Variants in DNAJC13 observed in about 807,000 individuals in gnomAD.
The protein encoded by DNAJC13 is DnaJ heat shock protein family (Hsp40) member C13.
In DNAJC13, 75 loss-of-function variants were observed where a neutral mutation model predicts 290.5. The observed-to-expected ratio is 0.26, with a 90% CI of 0.21 to 0.31. The LOEUF is 0.31. Ranked by LOEUF, DNAJC13 falls within the 10% of genes least tolerant of loss-of-function variation. The pLI is 1.00. For synonymous variants in DNAJC13, 862 were observed against 892.0 expected, an observed-to-expected ratio of 0.97 and a Z score of 0.60; for missense variants, 2,260 against 2,674.5, an observed-to-expected ratio of 0.85 and a Z score of 3.42.
At chr3:132,513,538 A>G (rs992065113) in intron 45 of DNAJC13, among the ~76,000 whole-genome samples, 4 of 152,150 alleles carry the variant, frequency 2.6e-5, no homozygotes, top group African/African-American at 9.6e-5. Context: ...CCCGCAGTTG[A>G]AACTCCCTTC....
At chr3:132,507,793 A>G (rs1288052780) in intron 43 of DNAJC13, among the ~76,000 whole-genome samples, 29 of 152,142 alleles carry the variant, frequency 1.9e-4, no homozygotes, top group Admixed American at 1.9e-3. Flanking sequence ...AGTCAACAAT[A>G]TTGGAATTAG....
intron 39 of DNAJC13, among the ~76,000 whole-genome samples, chr3:132,501,134 A>T (rs1935394490): frequency 6.6e-6 from 1 of 152,174 alleles, no homozygotes; most frequent in African/African-American, 2.4e-5. Flanking sequence ...ATCTAAAGGG[A>T]AGTGGGTTCC....
At chr3:132,460,107 T>C in intron 13 of DNAJC13, 143 bp from the exon 14 acceptor site, 1 of 462,598 alleles carries the variant, frequency 2.2e-6, no homozygotes, top group South Asian at 5.3e-5. Context: ...TTATCACGAG[T>C]TTCCTTTTTG....
Position 132,526,216 on chromosome 3 carries a change from G to A in DNAJC13, c.6316G>A (p.Val2106Ile). 6.2e-7 allele frequency: 1 copy of A among 1,614,084 alleles called. No homozygotes were observed. Among genetic ancestry groups the A allele is most frequent in the Non-Finnish European group, 8.5e-7 (1 of 1,179,980 alleles). Residue 2106 changes from valine (V) to isoleucine (I), a missense_variant, in exon 53 of 56, where the codon GTT (valine) becomes ATT (isoleucine). Around this residue, in one of 3 missense-constraint regions of DNAJC13, gnomAD observed 1,494 missense variants for 1,693.7 expected, o/e 0.88. Transcript: ENST00000260818. ...TGGAATGAAAAAGCGAGCAGATACT[G>A]TTGGTCTAGCCTGTGAAGCAATTAA... ...MNGMKKRADT[V>I]GLACEAINRM...
At chr3:132,513,294 A>G (rs576500585) in intron 45 of DNAJC13, among the ~76,000 whole-genome samples, 195 bp downstream of exon 45, 8 of 152,278 alleles carry the variant, frequency 5.3e-5, no homozygotes, top group African/African-American at 1.7e-4. Context: ...CAATTGCACA[A>G]TGTCGTTCTA....
chr3:132,470,383 C>G (rs1185573821), intron 20 of DNAJC13, among the ~76,000 whole-genome samples: 1 of 84,836 alleles, frequency 1.2e-5, no homozygotes, highest in Non-Finnish European at 2.3e-5. Context: ...CCCATGTCTA[C>G]TTCTTTCTAC....
chr3:132,507,305 G>T lies in DNAJC13; in HGVS notation c.5067G>T (p.Gly1689=), dbSNP rs745825461. 1.2e-6 allele frequency: 2 copies of T among 1,613,286 alleles called. No individual in the cohort carries two copies. The highest frequency in any genetic ancestry group is 2.7e-5 in the African/African-American group (2 of 75,006). The part of the protein sequence containing the change: ...YSDHAKELIV[G]EIFVRVYNEV... Reference sequence around the variant, plus strand: ...ATCATGCCAAAGAACTTATTGTAGGGGAGATTTTTGTTAGGGTGTATAATG... The same window carrying T: ...ATCATGCCAAAGAACTTATTGTAGGTGAGATTTTTGTTAGGGTGTATAATG... The change falls in exon 43 of 56, where the codon GGG becomes GGT. Residue 1689 remains glycine (G), a synonymous_variant. Coordinates refer to ENST00000260818, the MANE Select transcript of DNAJC13 (RefSeq NM_015268.4).
intron 2 of DNAJC13, among the ~76,000 whole-genome samples, chr3:132,442,587 G>A (rs1260091724): frequency 6.6e-6 from 1 of 152,004 alleles, no homozygotes; most frequent in Non-Finnish European, 1.5e-5. Context: ...TTGCAGGGGA[G>A]TAAAATGCCC....
chr3:132,531,358 T>C (rs1936408937), intron 55 of DNAJC13, among the ~76,000 whole-genome samples: 1 of 152,218 alleles, frequency 6.6e-6, no homozygotes, highest in African/African-American at 2.4e-5. Context: ...TAGAATATAT[T>C]TGGAGCATGT....
intron 26 of DNAJC13, among the ~76,000 whole-genome samples, chr3:132,481,306 G>C (rs1934665582): frequency 1.3e-5 from 2 of 152,190 alleles, no homozygotes; most frequent in Admixed American, 6.5e-5. Flanking sequence ...AAAAAGAACA[G>C]GCCAGGCACA....
At chr3:132,463,598 ATG>A in intron 16 of DNAJC13, 96 bp from the exon 17 acceptor site, 3 of 1,384,170 alleles carry the variant, frequency 2.2e-6, no homozygotes, top group Non-Finnish European at 2.9e-6. Context: ...TACATACTGA[ATG>A]TTTTTTTCAT....
rs576046490 is a variant in DNAJC13, at chr3:132,457,276, G to C, written c.1357G>C (p.Glu453Gln). 2 of 1,597,738 alleles carry C rather than the reference G, an allele frequency of 1.3e-6. No homozygotes were observed. Among genetic ancestry groups the C allele is most frequent in the Non-Finnish European group, 1.7e-6 (2 of 1,175,036 alleles). The change falls in exon 13 of 56, where the codon GAG becomes CAG. Residue 453 changes from glutamate to glutamine, a missense_variant. Glu to Gln is a conservative substitution (Grantham distance 29). Coordinates refer to ENST00000260818, the MANE Select transcript of DNAJC13 (RefSeq NM_015268.4). ...LAFTQLPKFRERLGVKVVKAL... is the reference protein window; with the variant it reads ...LAFTQLPKFRQRLGVKVVKAL... ...TGTTTTTTGTTCCAAAAGGTTTCGC[G>C]AGCGTCTAGGGGTGAAGGTAGTAAA...
intron 22 of DNAJC13, among the ~76,000 whole-genome samples, chr3:132,477,287 C>T (rs1934504668): frequency 6.6e-6 from 1 of 152,168 alleles, no homozygotes; most frequent in Non-Finnish European, 1.5e-5. Flanking sequence ...GGTGGTGCCC[C>T]AACTCCTGAT....
intron 3 of DNAJC13, among the ~76,000 whole-genome samples, 195 bp downstream of exon 3, chr3:132,446,745 T>C (rs1162174379): frequency 3.3e-4 from 3 of 9,162 alleles, no homozygotes; most frequent in Non-Finnish European, 5.7e-4. Flanking sequence ...GGGGAGAATA[T>C]GCTTATTTCT....
chr3:132,513,024 C>T lies in DNAJC13; in HGVS notation c.5310C>T (p.Cys1770=), dbSNP rs759525145. 6 of 1,612,878 alleles carry T rather than the reference C, an allele frequency of 3.7e-6. No homozygotes were observed. Among genetic ancestry groups the T allele is most frequent in the Non-Finnish European group, 5.1e-6 (6 of 1,179,066 alleles). Residue 1770 remains cysteine, a synonymous_variant, in exon 45 of 56, where the codon TGC becomes TGT. Coordinates refer to ENST00000260818, the MANE Select transcript of DNAJC13 (RefSeq NM_015268.4). The stretch of plus-strand genomic sequence containing the variant: ...ATTCTCTAGGTTCTGAGAGTGAATG[C>T]ATTGGGCACTTTAAGTTGATATTTT... The part of the protein sequence containing the change: ...IKYNPGSESE[C]IGHFKLIFSL...
chr3:132,451,129 T>C (rs758451363), intron 6 of DNAJC13, among the ~76,000 whole-genome samples: 1 of 152,240 alleles, frequency 6.6e-6, no homozygotes, highest in Non-Finnish European at 1.5e-5. Context: ...TTTTCATTGG[T>C]ATTACTGTCT....
chr3:132,436,725 G>A (rs1291324673), intron 2 of DNAJC13, among the ~76,000 whole-genome samples: 1 of 152,030 alleles, frequency 6.6e-6, no homozygotes, highest in East Asian at 1.9e-4. Flanking sequence ...GTGTAGGTAC[G>A]AAGTAGCTTC....
intron 13 of DNAJC13, among the ~76,000 whole-genome samples, chr3:132,458,558 G>A (rs1366412220): frequency 2.0e-5 from 3 of 152,130 alleles, no homozygotes; most frequent in Non-Finnish European, 4.4e-5. Context: ...AAAGACTGTT[G>A]CAACAAAAGA....
intron 2 of DNAJC13, among the ~76,000 whole-genome samples, chr3:132,435,203 T>G (rs375658299): frequency 6.6e-6 from 1 of 152,344 alleles, no homozygotes; most frequent in African/African-American, 2.4e-5. Context: ...AAGGATTAAA[T>G]GAAGTGATAT....
Sources: allele counts gnomAD v4.1 joint callset (sites outside exome capture counted in the v4.1 genomes callset), GRCh38; gene constraint gnomAD v4.1.1; regional missense constraint gnomAD v4.1.1; transcripts MANE v1.5; gene names NCBI Gene and HGNC (gene_info 2026-07-23, HGNC 2026-07-21).